The following TBC1D5 variants were observed in gnomAD, a reference collection of about 807,000 sequenced individuals.
The protein encoded by TBC1D5 is TBC1 domain family member 5, also known as TBC1 domain family, member 5.
Under a neutral mutation model 100.3 loss-of-function variants are expected in TBC1D5, and 75 were observed. That is an observed-to-expected ratio of 0.75 (90% CI 0.62 to 0.91). TBC1D5 has a LOEUF of 0.91. TBC1D5 is among the 40% of genes least tolerant of loss of function. TBC1D5 has a pLI of 0.00. For missense variants in TBC1D5, 910 were observed against 942.4 expected, an observed-to-expected ratio of 0.97 and a Z score of 0.45; for synonymous variants, 323 against 325.6, an observed-to-expected ratio of 0.99 and a Z score of 0.09.
chr3:17,741,790 C>T (rs1432449388), upstream of TBC1D5, among the ~76,000 whole-genome samples: 3 of 148,408 alleles, frequency 2.0e-5, no homozygotes, highest in Admixed American at 2.0e-4. Context: ...GGGATTTGCC[C>T]TCCCTGCGAA....
At chr3:17,655,118 G>A (rs2065934039) in intron 1 of TBC1D5, among the ~76,000 whole-genome samples, 1 of 151,742 alleles carries the variant, frequency 6.6e-6, no homozygotes, top group African/African-American at 2.4e-5. Flanking sequence ...CCAGCTCCTG[G>A]ATTCATTAAT....
At chr3:17,635,434 A>G (rs138954735) in intron 1 of TBC1D5, among the ~76,000 whole-genome samples, 1 of 152,172 alleles carries the variant, frequency 6.6e-6, no homozygotes, top group African/African-American at 2.4e-5. Flanking sequence ...TAATCCCACC[A>G]CTTTGGGAGG....
At chr3:17,457,532 G>T (rs1450404603) in intron 3 of TBC1D5, among the ~76,000 whole-genome samples, 1 of 151,978 alleles carries the variant, frequency 6.6e-6, no homozygotes, top group African/African-American at 2.4e-5. Context: ...TAAAATTTTT[G>T]TATCTCTGCT....
intron 1 of TBC1D5, among the ~76,000 whole-genome samples, chr3:17,666,744 T>C (rs564695334): frequency 6.6e-6 from 1 of 152,210 alleles, no homozygotes; most frequent in African/African-American, 2.4e-5. Context: ...TATATAGGAG[T>C]TAAGATCTAA....
intron 3 of TBC1D5, among the ~76,000 whole-genome samples, chr3:17,480,822 G>A (rs148422690): frequency 3.4e-4 from 52 of 152,314 alleles, no homozygotes; most frequent in African/African-American, 1.1e-3. Flanking sequence ...GAGAGCTGCC[G>A]TTACTCACTG....
At chr3:17,639,605 T>C (rs1168328164) in intron 1 of TBC1D5, among the ~76,000 whole-genome samples, 1 of 152,112 alleles carries the variant, frequency 6.6e-6, no homozygotes, top group African/African-American at 2.4e-5. Flanking sequence ...AAATAAACTA[T>C]GGTGGTATCT....
chr3:17,496,445 C>T (rs886183154), intron 3 of TBC1D5, among the ~76,000 whole-genome samples: 1 of 151,864 alleles, frequency 6.6e-6, no homozygotes, highest in Non-Finnish European at 1.5e-5. Flanking sequence ...TATATACATA[C>T]ATGCACACAC....
intron 2 of TBC1D5, among the ~76,000 whole-genome samples, chr3:17,511,953 G>A (rs533251568): frequency 1.3e-5 from 2 of 151,992 alleles, no homozygotes; most frequent in South Asian, 4.1e-4. Flanking sequence ...TTTTAATTAT[G>A]GATTTAAATA....
intron 21 of TBC1D5, 81 bp from the exon 23 acceptor site, chr3:17,161,337 G>T: frequency 1.4e-6 from 2 of 1,470,854 alleles, no homozygotes; most frequent in South Asian, 1.3e-5. Context: ...TGAACTGGGG[G>T]ACTCGTGGTG....
chr3:17,322,298 G>C (rs147495293), intron 13 of TBC1D5, among the ~76,000 whole-genome samples: 2 of 152,216 alleles, frequency 1.3e-5, no homozygotes, highest in African/African-American at 4.8e-5. Flanking sequence ...TTCTGTTTCT[G>C]TTTCCTTTGC....
intron 18 of TBC1D5, among the ~76,000 whole-genome samples, chr3:17,206,192 CT>C (rs2125883693): frequency 6.6e-6 from 1 of 152,274 alleles, no homozygotes; most frequent in South Asian, 2.1e-4. Context: ...TCAGATCTAT[CT>C]CTCACCAACA....
At chr3:17,323,553 A>C (rs1020976246) in intron 13 of TBC1D5, among the ~76,000 whole-genome samples, 3 of 152,204 alleles carry the variant, frequency 2.0e-5, no homozygotes, top group African/African-American at 7.2e-5. Flanking sequence ...TACTAGAAAC[A>C]AATAACTAGA....
intron 18 of TBC1D5, among the ~76,000 whole-genome samples, chr3:17,209,323 A>G (rs148990461): frequency 6.6e-6 from 1 of 152,032 alleles, no homozygotes; most frequent in African/African-American, 2.4e-5. Flanking sequence ...ATTAAAAACA[A>G]ATTTTTTTTG....
At chr3:17,469,001 T>C (rs1362752521) in intron 3 of TBC1D5, among the ~76,000 whole-genome samples, 4 of 152,152 alleles carry the variant, frequency 2.6e-5, no homozygotes, top group Non-Finnish European at 5.9e-5. Flanking sequence ...AGAAGGGAAT[T>C]AATATTTCCC....
At chr3:17,701,830 C>T (rs937340735) in intron 1 of TBC1D5, among the ~76,000 whole-genome samples, 1 of 151,346 alleles carries the variant, frequency 6.6e-6, no homozygotes, top group African/African-American at 2.4e-5. Flanking sequence ...GAACACAATC[C>T]CTGACCAGAC....
At chr3:17,537,966 T>C (rs575173347) in intron 2 of TBC1D5, among the ~76,000 whole-genome samples, 17 of 152,182 alleles carry the variant, frequency 1.1e-4, no homozygotes, top group Non-Finnish European at 2.2e-4. Context: ...AGCTCAGTTT[T>C]ATACATTTTA....
chr3:17,262,019 T>C (rs966255082), intron 15 of TBC1D5, among the ~76,000 whole-genome samples: 1 of 152,218 alleles, frequency 6.6e-6, no homozygotes, highest in South Asian at 2.1e-4. Context: ...GCAGAACATG[T>C]TATGTCAACA....
intron 8 of TBC1D5, among the ~76,000 whole-genome samples, chr3:17,389,173 G>A (rs1051717151): frequency 8.6e-5 from 13 of 151,890 alleles, no homozygotes; most frequent in East Asian, 1.9e-4. Flanking sequence ...AGAATTTTAC[G>A]TATTGTGCCT....
At chr3:17,602,082 C>T (rs1576956156) in intron 2 of TBC1D5, among the ~76,000 whole-genome samples, 1 of 152,282 alleles carries the variant, frequency 6.6e-6, no homozygotes, top group African/African-American at 2.4e-5. Context: ...CCGCCCACCT[C>T]GGCCTCCCAA....
Sources: allele counts gnomAD v4.1 joint callset (sites outside exome capture counted in the v4.1 genomes callset), GRCh38; gene constraint gnomAD v4.1.1; transcripts MANE v1.5; gene names NCBI Gene and HGNC (gene_info 2026-07-23, HGNC 2026-07-21).